Variants in FMNL2 observed in about 807,000 individuals in gnomAD.
FMNL2 encodes the protein formin-like protein 2.
In FMNL2, 51 loss-of-function variants were observed where a neutral mutation model predicts 130.2. The observed-to-expected ratio is 0.39, with a 90% CI of 0.31 to 0.49. The LOEUF (loss-of-function observed/expected upper bound fraction) is 0.49, where lower values mean the gene tolerates loss of function less well. Ranked by LOEUF, FMNL2 falls within the 20% of genes least tolerant of loss-of-function variation. The probability of loss-of-function intolerance (pLI) is 0.85; values close to 1 mark genes in which losing one functional copy is unlikely to be tolerated. For synonymous variants in FMNL2, 465 were observed against 467.1 expected (o/e 1.00, Z 0.06); for missense variants, 977 against 1,316.2 (o/e 0.74, Z 3.99).
chr2:152,572,252 T>C (rs1375477476), intron 6 of FMNL2, among the ~76,000 whole-genome samples: 2 of 152,088 alleles, frequency 1.3e-5, no homozygotes, highest in African/African-American at 4.8e-5. Context: ...TCTAGTTAGC[T>C]CTCTATCTTA....
chr2:152,386,890 G>C (rs773217297), intron 1 of FMNL2, among the ~76,000 whole-genome samples: 6 of 152,162 alleles, frequency 3.9e-5, no homozygotes, highest in Admixed American at 3.3e-4. Flanking sequence ...AACAAAGGTA[G>C]AGAAAACCTT....
At chr2:152,579,698 A>C (rs1254861128) in intron 8 of FMNL2, among the ~76,000 whole-genome samples, 1 of 152,210 alleles carries the variant, frequency 6.6e-6, no homozygotes, top group Non-Finnish European at 1.5e-5. Context: ...ACTCTGTCTC[A>C]AAAAATAAAG....
intron 1 of FMNL2, among the ~76,000 whole-genome samples, chr2:152,497,105 G>A (rs1291276755): frequency 6.6e-6 from 1 of 152,026 alleles, no homozygotes; most frequent in Non-Finnish European, 1.5e-5. Flanking sequence ...ATATGCACAC[G>A]TTTGTATCTA....
intron 5 of FMNL2, 37 bp downstream of exon 5, chr2:152,558,860 T>C (rs186632168): frequency 6.3e-7 from 1 of 1,581,550 alleles, no homozygotes; most frequent in East Asian, 2.2e-5. Context: ...TTGAATTTTA[T>C]GTGGTCACAG....
intron 1 of FMNL2, among the ~76,000 whole-genome samples, chr2:152,363,663 G>A (rs1380424553): frequency 1.3e-5 from 2 of 152,112 alleles, no homozygotes; most frequent in Non-Finnish European, 2.9e-5. Flanking sequence ...CTGGGTTCAA[G>A]TGATTCTCCT....
chr2:152,638,297 T>C (rs958795379), intron 23 of FMNL2, among the ~76,000 whole-genome samples: 2 of 152,150 alleles, frequency 1.3e-5, no homozygotes, highest in Non-Finnish European at 1.5e-5. Context: ...ATTTGTCCAT[T>C]TGAGAAATTA....
intron 1 of FMNL2, among the ~76,000 whole-genome samples, chr2:152,400,013 G>C (rs1271724889): frequency 6.6e-6 from 1 of 152,198 alleles, no homozygotes; most frequent in Non-Finnish European, 1.5e-5. Context: ...AGTCGGCTTA[G>C]AAGCCCTGAT....
intron 9 of FMNL2, among the ~76,000 whole-genome samples, chr2:152,595,516 G>A (rs2105795168): frequency 6.6e-6 from 1 of 152,132 alleles, no homozygotes; most frequent in East Asian, 1.9e-4. Flanking sequence ...ACGGGGTTTT[G>A]CCATGTTGGC....
chr2:152,464,464 A>T (rs1479045556), intron 1 of FMNL2, among the ~76,000 whole-genome samples: 1 of 152,166 alleles, frequency 6.6e-6, no homozygotes, highest in Non-Finnish European at 1.5e-5. Flanking sequence ...GCTCCTCAGG[A>T]ATGTACCCCC....
chr2:152,626,877 A>T, intron 17 of FMNL2, 150 bp downstream of exon 17: 1 of 817,754 alleles, frequency 1.2e-6, no homozygotes, highest in Non-Finnish European at 1.9e-6. Context: ...GAGAGATCTG[A>T]ACTCTGTGTG....
At chr2:152,612,672 G>C (rs902625269) in intron 11 of FMNL2, among the ~76,000 whole-genome samples, 5 of 152,198 alleles carry the variant, frequency 3.3e-5, no homozygotes, top group Admixed American at 2.0e-4. Context: ...CTGGAGTGCA[G>C]TGGTGCAATC....
intron 1 of FMNL2, among the ~76,000 whole-genome samples, chr2:152,444,536 A>C (rs1242582717): frequency 6.6e-6 from 1 of 152,210 alleles, no homozygotes; most frequent in African/African-American, 2.4e-5. Flanking sequence ...GCAGGATAAC[A>C]CATTACAGAA....
intron 1 of FMNL2, among the ~76,000 whole-genome samples, chr2:152,427,533 A>G (rs977516882): frequency 1.3e-5 from 2 of 152,198 alleles, no homozygotes; most frequent in African/African-American, 4.8e-5. Context: ...CGATAGAGTG[A>G]GACTCCTTCT....
intron 1 of FMNL2, chr2:152,389,826 G>C (rs754547658): frequency 1.2e-5 from 15 of 1,241,084 alleles, no homozygotes; most frequent in Non-Finnish European, 1.8e-5. Context: ...AAGAGGGGAT[G>C]GCAAAGAAGC....
chr2:152,420,372 G>A (rs142368874), intron 1 of FMNL2, among the ~76,000 whole-genome samples: 217 of 152,266 alleles, frequency 1.4e-3, no homozygotes, highest in African/African-American at 5.1e-3. Flanking sequence ...AAGAGTACAA[G>A]CTGAATATTA....
rs1466252460 is a variant in FMNL2, at chr2:152,357,206, ATATTAAAT to A, written c.117+21487_117+21494del. ...AAATCAGTTTAATGTATCACGATAA[ATATTAAAT>A]CAGTTTAATGTATCACGATAAATAT... On this transcript the variant is annotated intron_variant, in intron 1 of 25. Transcript: ENST00000288670. Among the ~76,000 whole-genome samples the A allele has an allele frequency of 3.4e-4, 32 of 94,856 alleles. 3 individuals are homozygous for A. The highest frequency in any genetic ancestry group is 9.7e-4 in the African/African-American group (27 of 27,844). The allele number at this position is 94,856 out of a possible 152,430, so 62.2% of individuals were successfully genotyped here.
At chr2:152,555,084 A>G (rs1374073613) in intron 4 of FMNL2, among the ~76,000 whole-genome samples, 3 of 152,182 alleles carry the variant, frequency 2.0e-5, no homozygotes, top group African/African-American at 4.8e-5. Flanking sequence ...AATACAATAA[A>G]TAAGTGTCTT....
rs183205443 is a variant in FMNL2, at chr2:152,587,629, A to G, written c.876+6580A>G. On this transcript the variant is annotated intron_variant, in intron 9 of 25. Coordinates refer to ENST00000288670, the MANE Select transcript of FMNL2 (RefSeq NM_052905.4). ...TTCCCTAGAGAAAGGAGCCATTTTC[A>G]TAGGATGTCCAAGTTTATTTTCTGG... is the stretch of plus-strand genomic sequence containing the variant. Among the ~76,000 whole-genome samples, 17 of 152,316 alleles carry G rather than the reference A, an allele frequency of 1.1e-4. No homozygotes were observed. The East Asian group carries it at 2.9e-3, about 26-fold the overall frequency.
At chr2:152,577,016 T>G (rs1168911371) in intron 7 of FMNL2, among the ~76,000 whole-genome samples, 3 of 152,200 alleles carry the variant, frequency 2.0e-5, no homozygotes, top group Non-Finnish European at 4.4e-5. Context: ...GACACTTGCA[T>G]TTAACATGAG....
Sources: gnomAD v4.1 joint callset for allele counts (sites outside exome capture counted in the v4.1 genomes callset) on GRCh38, gnomAD v4.1.1 for gene constraint, MANE v1.5 for transcripts, NCBI Gene and HGNC (gene_info 2026-07-23, HGNC 2026-07-21) for gene names.